Variants in THPO observed in about 807,000 individuals in gnomAD.
The protein encoded by THPO is MPL ligand.
THPO carries 12 observed loss-of-function variants against 17.0 expected under a neutral mutation model. The ratio of observed to expected loss-of-function variants is 0.71; its 90% CI spans 0.45 to 1.14. The LOEUF (loss-of-function observed/expected upper bound fraction) is 1.14, where lower values mean the gene tolerates loss of function less well. THPO is among the 50% of genes most tolerant of loss of function. THPO has a pLI of 0.00. For synonymous variants in THPO, 188 were observed against 183.0 expected, an observed-to-expected ratio of 1.03 and a Z score of -0.22; for missense variants, 365 against 427.5, an observed-to-expected ratio of 0.85 and a Z score of 1.29.
At chr3:184,375,100 T>G (rs1664990601) in intron 4 of THPO, among the ~76,000 whole-genome samples, 1 of 152,194 alleles carries the variant, frequency 6.6e-6, no homozygotes, top group Non-Finnish European at 1.5e-5. Flanking sequence ...GAAGTTTATA[T>G]CTCTGTTGTT....
At position 184,378,158 on chromosome 3, in the gene THPO, G is replaced by A. The variant is rs1714580412; in HGVS notation, c.-229C>T. The A allele has an allele frequency of 2.0e-6, 2 of 985,420 alleles. No individual in the cohort carries two copies. Among genetic ancestry groups the A allele is most frequent in the African/African-American group, 3.5e-5 (2 of 57,240 alleles). 61.0% of individuals were successfully genotyped at this position (985,420 alleles called of 1,614,324 possible). ...TGGGTAGGAAGACATGTGGCGGTGG[G>A]GCACAGCCCCTCCACAGCAGCAGGT... On this transcript the variant is annotated 5_prime_UTR_variant, in exon 1 of 6. Coordinates refer to ENST00000647395, the MANE Select transcript of THPO (RefSeq NM_000460.4).
Position 184,372,253 on chromosome 3 carries a change from T to C in THPO, c.*260A>G, listed in dbSNP as rs953250955. On this transcript the variant is annotated 3_prime_UTR_variant, in exon 6 of 6. Coordinates refer to ENST00000647395, the MANE Select transcript of THPO (RefSeq NM_000460.4). ...AGAAAAAGAGCATGTAGAGAATCAG[T>C]GAGTTGCAAATTTCTGCAGAAAATA... 4.1e-6 allele frequency: 2 copies of C among 484,242 alleles called. No homozygotes were observed. Among genetic ancestry groups the C allele is most frequent in the African/African-American group, 3.9e-5 (2 of 51,906 alleles). 30.0% of individuals were successfully genotyped at this position (484,242 alleles called of 1,614,324 possible). A position where few individuals can be genotyped will look rare whatever the true frequency, so the allele number is the denominator to read the frequency against.
rs757611154 is a variant in THPO at position 184,372,710 on chromosome 3, G to A, written c.865C>T (p.Gln289Ter). 1 of 1,613,776 alleles carries A rather than the reference G, an allele frequency of 6.2e-7. No homozygotes were observed. Among genetic ancestry groups the A allele is most frequent in the Admixed American group, 1.7e-5 (1 of 60,018 alleles). The change falls in exon 6 of 6, where the codon CAG becomes TAG. Residue 289 changes from glutamine to a stop codon, truncating the protein, a stop_gained. Transcript: ENST00000647395. LOFTEE classifies it low-confidence loss of function (END_TRUNC). ...GTTGGGGAAGGAGAATATCCAGGCTGGAGGTTGGGTGGCAGGGAGCCTGTG... is the reference window on the plus strand; with the variant it reads ...GTTGGGGAAGGAGAATATCCAGGCTAGAGGTTGGGTGGCAGGGAGCCTGTG... ...SDTGSLPPNL[Q>*]PGYSPSPTHP...
At chr3:184,378,324 GAGA>G (rs1194269938), upstream of THPO, 2 of 985,382 alleles carry the variant, frequency 2.0e-6, no homozygotes, top group Non-Finnish European at 2.4e-6. Context: ...ACACACCACG[GAGA>G]AGATTTGGAT....
At chr3:184,373,678 A>G in intron 4 of THPO, 96 bp from the exon 5 acceptor site, 1 of 1,402,554 alleles carries the variant, frequency 7.1e-7, no homozygotes, top group Non-Finnish European at 9.8e-7. Context: ...TGAATCATAC[A>G]GGCTGAGAAC....
intron 2 of THPO, 110 bp downstream of exon 2, chr3:184,376,137 T>A: frequency 6.2e-7 from 1 of 1,612,178 alleles, no homozygotes. Flanking sequence ...GACCCCTTAT[T>A]TTTGGGAGAA....
rs1560281255 is a variant in THPO at position 184,372,468 on chromosome 3, G to C, written c.*45C>G. ...TCCCAGGGGCGCCCTGCAGGGAAGG[G>C]AGCTGTACACGAGACAATGCTGATG... On this transcript the variant is annotated 3_prime_UTR_variant, in exon 6 of 6. Coordinates refer to ENST00000647395, the MANE Select transcript of THPO (RefSeq NM_000460.4). 2 of 1,611,702 alleles carry C rather than the reference G, an allele frequency of 1.2e-6. No homozygotes were observed. Among genetic ancestry groups the C allele is most frequent in the African/African-American group, 2.7e-5 (2 of 74,984 alleles).
intron 4 of THPO, among the ~76,000 whole-genome samples, chr3:184,374,806 G>C (rs1413869992): frequency 6.6e-6 from 1 of 151,506 alleles, no homozygotes; most frequent in Admixed American, 6.6e-5. Flanking sequence ...TTTTCTTTTT[G>C]AGACGGAGTT....
In THPO at chr3:184,373,179, C is replaced by T; in HGVS notation, c.397-1G>A. Reference sequence around the variant, plus strand: ...CTGTGGTCCTGCCCTGTGGAGGAAGCTGAGGGCAGAGGATGGTCCTGAGGC... The same window carrying T: ...CTGTGGTCCTGCCCTGTGGAGGAAGTTGAGGGCAGAGGATGGTCCTGAGGC... On this transcript the variant is annotated splice_acceptor_variant, in intron 5 of 5. Coordinates refer to ENST00000647395, the MANE Select transcript of THPO (RefSeq NM_000460.4). LOFTEE classifies it high-confidence loss of function. The T allele has an allele frequency of 6.2e-7, 1 of 1,610,590 alleles. No individual in the cohort carries two copies. Among genetic ancestry groups the T allele is most frequent in the Non-Finnish European group, 8.5e-7 (1 of 1,179,990 alleles).
chr3:184,372,335 T>C lies in THPO; in HGVS notation c.*178A>G, dbSNP rs1713957794. On this transcript the variant is annotated 3_prime_UTR_variant, in exon 6 of 6. Coordinates refer to ENST00000647395, the MANE Select transcript of THPO (RefSeq NM_000460.4). ...GCTGATAGCTTAAAAAAATAGCTTC[T>C]GAAGGTTTATAATGTACAGTGAAAA... is the stretch of plus-strand genomic sequence containing the variant. The C allele has an allele frequency of 6.9e-6, 5 of 723,976 alleles. No homozygotes were observed. The East Asian group carries it at 1.4e-4, about 20-fold the overall frequency. 44.8% of individuals were successfully genotyped at this position (723,976 alleles called of 1,614,324 possible).
chr3:184,375,921 C>T lies in THPO; in HGVS notation c.108G>A (p.Leu36=), dbSNP rs764311338. ...TGTGAAGGACATGGGAGTCACGAAG[C>T]AGTTTACTGAGGACTCGGAGGTCAC... is the stretch of plus-strand genomic sequence containing the variant. ...PACDLRVLSK[L]LRDSHVLHSR... is the part of the protein sequence containing the mutation. The change falls in exon 3 of 6, where the codon CTG becomes CTA. Residue 36 remains leucine, a synonymous_variant. Transcript: ENST00000647395. The T allele has an allele frequency of 6.2e-7, 1 of 1,613,524 alleles. No homozygotes were observed. The highest frequency in any genetic ancestry group is 1.1e-5 in the South Asian group (1 of 91,042).
chr3:184,377,190 G>A (rs1181959394), intron 1 of THPO, among the ~76,000 whole-genome samples: 1 of 152,084 alleles, frequency 6.6e-6, no homozygotes, highest in African/African-American at 2.4e-5. Flanking sequence ...GTGGGGCTGG[G>A]GAGGGGAACT....
rs1014600981 is a variant in THPO, at chr3:184,378,124, G to A, written c.-195C>T. 3 of 985,512 alleles carry A rather than the reference G, an allele frequency of 3.0e-6. No homozygotes were observed. The African/African-American group carries it at 5.2e-5, about 17-fold the overall frequency. 61.0% of individuals were successfully genotyped at this position (985,512 alleles called of 1,614,324 possible). On this transcript the variant is annotated 5_prime_UTR_variant, in exon 1 of 6. Transcript: ENST00000647395. ...CAAGTGCACAGCAGGCAGCCCTCTG[G>A]GGAGCAGATGGGTAGGAAGACATGT...
At chr3:184,375,461 T>C in intron 4 of THPO, 54 bp downstream of exon 4, 1 of 1,554,376 alleles carries the variant, frequency 6.4e-7, no homozygotes, top group South Asian at 1.1e-5. Context: ...TGGGAAGCAG[T>C]GGGAAACTGA....
chr3:184,377,006 C>A (rs966550552), intron 1 of THPO, among the ~76,000 whole-genome samples: 1 of 152,088 alleles, frequency 6.6e-6, no homozygotes, highest in Non-Finnish European at 1.5e-5. Context: ...TCTTAATTAG[C>A]CTTAAATTCT....
chr3:184,375,416 T>G, intron 4 of THPO, 99 bp downstream of exon 4: 3 of 1,288,422 alleles, frequency 2.3e-6, no homozygotes, highest in Non-Finnish European at 3.4e-6. Context: ...GAAGGTGAGA[T>G]ATTTTTAAAA....
chr3:184,376,089 C>T, intron 2 of THPO, 74 bp from the exon 3 acceptor site: 1 of 1,613,356 alleles, frequency 6.2e-7, no homozygotes, highest in African/African-American at 1.3e-5. Context: ...AATTCCCATT[C>T]AGGACCCAGA....
chr3:184,375,961 G>T lies in THPO; in HGVS notation c.68C>A (p.Pro23Gln), dbSNP rs908200093. The T allele has an allele frequency of 1.2e-6, 2 of 1,613,880 alleles. No individual in the cohort carries two copies. The highest frequency in any genetic ancestry group is 2.7e-5 in the African/African-American group (2 of 74,986). Residue 23 changes from proline to glutamine, a missense_variant, in exon 3 of 6, where the codon CCG (proline) becomes CAG (glutamine). Coordinates refer to ENST00000647395, the MANE Select transcript of THPO (RefSeq NM_000460.4). ...TCGGAGGTCACAAGCAGGAGGAGCC[G>T]GGCTGGACAGCGTTAGCCTTGCAGT... ...LLTARLTLSS[P>Q]APPACDLRVL...
Position 184,372,591 on chromosome 3 carries a change from A to C in THPO, c.984T>G (p.Ser328=), listed in dbSNP as rs746985597. ...VQLHPLLPDP[S]APTPTPTSPL... is the part of the protein sequence containing the mutation. ...GGCTGGTAGGGGTGGGCGTTGGAGC[A>C]GAAGGGTCAGGAAGCAGGGGGTGGA... The change falls in exon 6 of 6, where the codon TCT becomes TCG. Residue 328 remains serine (S), a synonymous_variant. Coordinates refer to ENST00000647395, the MANE Select transcript of THPO (RefSeq NM_000460.4). 16 of 1,614,072 alleles carry C rather than the reference A, an allele frequency of 9.9e-6. No homozygotes were observed. The highest frequency in any genetic ancestry group is 1.4e-5 in the Non-Finnish European group (16 of 1,179,986).
Sources: gnomAD v4.1 joint callset for allele counts (sites outside exome capture counted in the v4.1 genomes callset) on GRCh38, gnomAD v4.1.1 for gene constraint, MANE v1.5 for transcripts, NCBI Gene and HGNC (gene_info 2026-07-23, HGNC 2026-07-21) for gene names.